SPON1: variants seen among roughly 807,000 people sequenced by gnomAD.
The protein encoded by SPON1 is spondin-1.
A neutral mutation model predicts 111.7 loss-of-function variants in SPON1; 52 were observed. The ratio of observed to expected loss-of-function variants is 0.47; its 90% CI spans 0.37 to 0.59. The LOEUF is 0.59. SPON1 is among the 20% of genes least tolerant of loss of function. The pLI is 0.00. For synonymous variants in SPON1, 410 were observed against 395.8 expected (o/e 1.04, Z -0.43); for missense variants, 957 against 1,068.5 (o/e 0.90, Z 1.46).
Position 14,056,671 on chromosome 11 carries a change from C to T in SPON1, c.479+15017C>T, listed in dbSNP as rs559269540. 1.2e-4 allele frequency among the ~76,000 whole-genome samples: 19 copies of T among 152,082 alleles called. No individual in the cohort carries two copies. In the East Asian group the frequency reaches 1.6e-3, roughly 12 times the overall value. On this transcript the variant is annotated intron_variant, in intron 3 of 15. Transcript: ENST00000576479. ...TTGGGAGGCTGAGGCAGGTGGATCACGAGGTCAGGAGATTGAGACCATCCT... is the reference window on the plus strand; with the variant it reads ...TTGGGAGGCTGAGGCAGGTGGATCATGAGGTCAGGAGATTGAGACCATCCT...
intron 2 of SPON1, among the ~76,000 whole-genome samples, chr11:14,005,383 T>C (rs939447826): frequency 1.3e-5 from 2 of 152,318 alleles, no homozygotes; most frequent in African/African-American, 2.4e-5. Flanking sequence ...CTCTAAATGA[T>C]GCACTCTCCA....
At chr11:13,983,508 A>G (rs1554909958) in intron 2 of SPON1, among the ~76,000 whole-genome samples, 1 of 152,226 alleles carries the variant, frequency 6.6e-6, no homozygotes, top group Non-Finnish European at 1.5e-5. Context: ...CTCAAGGGGA[A>G]GCTTCATTTG....
intron 2 of SPON1, among the ~76,000 whole-genome samples, chr11:14,028,517 A>G (rs1026053482): frequency 1.3e-5 from 2 of 152,112 alleles, no homozygotes; most frequent in African/African-American, 4.8e-5. Context: ...TAGGGTATTT[A>G]CTTATTAAAC....
Position 14,135,133 on chromosome 11 carries a change from G to A in SPON1, c.677-287G>A, listed in dbSNP as rs10832188. The A allele has an allele frequency of 0.41, 108,940 of 267,304 alleles. 22,701 individuals are homozygous for A. Among genetic ancestry groups the A allele is most frequent in the East Asian group, 0.53 (7,975 of 15,062 alleles). The allele number at this position is 267,304 out of a possible 1,614,324, so 16.6% of individuals were successfully genotyped here. On this transcript the variant is annotated intron_variant, in intron 5 of 15. Transcript: ENST00000576479. The surrounding 1 kb of genome is among the most constrained non-coding windows in gnomAD (Gnocchi z 4.4). ...CTTACAAATATGATCAGCCTTTAAC[G>A]TTCTCTCAACTATCCCCTTCTCTGA...
intron 5 of SPON1, among the ~76,000 whole-genome samples, chr11:14,122,438 GC>G (rs1236130734): frequency 6.6e-6 from 1 of 152,226 alleles, no homozygotes; most frequent in African/African-American, 2.4e-5. Flanking sequence ...CTCCCAAAGT[GC>G]TGGGATTACA....
chr11:14,131,061 G>A (rs1847522499), intron 5 of SPON1, among the ~76,000 whole-genome samples: 1 of 152,166 alleles, frequency 6.6e-6, no homozygotes, highest in South Asian at 2.1e-4. Context: ...TTTTGATCAT[G>A]TTTCCCCCTT....
rs137925354 is a variant in SPON1 at position 14,101,089 on chromosome 11, C to T, written c.676+21068C>T. Among the ~76,000 whole-genome samples the T allele has an allele frequency of 2.8e-4, 43 of 152,116 alleles. No homozygotes were observed. In the East Asian group the frequency reaches 6.0e-3, roughly 21 times the overall value. On this transcript the variant is annotated intron_variant, in intron 5 of 15. Transcript: ENST00000576479. ...TTTCACAGTTAATGTGACTTGATGTCGTTTTTTTCTTTTTAAAACCTGGTT... is the reference window on the plus strand; with the variant it reads ...TTTCACAGTTAATGTGACTTGATGTTGTTTTTTTCTTTTTAAAACCTGGTT...
intron 6 of SPON1, among the ~76,000 whole-genome samples, chr11:14,188,536 A>C (rs1188880228): frequency 1.3e-5 from 2 of 152,218 alleles, no homozygotes; most frequent in African/African-American, 2.4e-5. Flanking sequence ...TCTGAAAATA[A>C]ACTTTCTCAC....
intron 6 of SPON1, among the ~76,000 whole-genome samples, chr11:14,171,089 C>T (rs1554932406): frequency 6.6e-6 from 1 of 152,118 alleles, no homozygotes; most frequent in African/African-American, 2.4e-5. Flanking sequence ...CTCCTTGTAC[C>T]TCTGGTAGAA....
In SPON1 at chr11:14,109,840, G is replaced by A. The variant is rs1849214272; in HGVS notation, c.677-25580G>A. Reference sequence around the variant, plus strand: ...ACTGACACCTTCTGAGAATAAAGGAGGAAAACTTTTTTCTTCTCTGTGGGC... The same window carrying A: ...ACTGACACCTTCTGAGAATAAAGGAAGAAAACTTTTTTCTTCTCTGTGGGC... On this transcript the variant is annotated intron_variant, in intron 5 of 15. Transcript: ENST00000576479. 2.6e-5 allele frequency among the ~76,000 whole-genome samples: 4 copies of A among 152,214 alleles called. No individual in the cohort carries two copies. The South Asian group carries it at 6.2e-4, about 24-fold the overall frequency.
chr11:14,112,826 C>T (rs1163911826), intron 5 of SPON1, among the ~76,000 whole-genome samples: 2 of 152,190 alleles, frequency 1.3e-5, no homozygotes, highest in Non-Finnish European at 2.9e-5. Flanking sequence ...CCCTTCCTTG[C>T]TCCTTCTAAT....
At chr11:14,075,480 G>A (rs1253930534) in intron 4 of SPON1, 62 bp downstream of exon 4, 20 of 1,223,026 alleles carry the variant, frequency 1.6e-5, no homozygotes, top group Admixed American at 7.9e-5. Flanking sequence ...CCTCCTGCAC[G>A]ATCCTCCTGC....
At chr11:14,043,746 C>T (rs1564892280) in intron 3 of SPON1, among the ~76,000 whole-genome samples, 1 of 152,216 alleles carries the variant, frequency 6.6e-6, no homozygotes, top group Non-Finnish European at 1.5e-5. Context: ...AACCCAGAAG[C>T]ATTAGATCTT....
intron 3 of SPON1, 121 bp downstream of exon 3, chr11:14,041,775 T>C (rs1848633361): frequency 3.6e-6 from 4 of 1,106,782 alleles, no homozygotes; most frequent in Admixed American, 2.6e-5. Flanking sequence ...TGCCCTCCCT[T>C]ATCTGAATTC....
chr11:13,972,720 ACT>A (rs1554908740), intron 1 of SPON1, among the ~76,000 whole-genome samples: 1 of 152,176 alleles, frequency 6.6e-6, no homozygotes, highest in Non-Finnish European at 1.5e-5. Context: ...AGTTCTGAAT[ACT>A]GTTTCCTGAG....
intron 6 of SPON1, among the ~76,000 whole-genome samples, chr11:14,206,435 C>T (rs1172540463): frequency 2.6e-5 from 4 of 152,142 alleles, no homozygotes; most frequent in African/African-American, 9.7e-5. Flanking sequence ...TCGTGATCCG[C>T]CCACCTCAGC....
At chr11:14,048,073 C>T (rs1554918007) in intron 3 of SPON1, among the ~76,000 whole-genome samples, 2 of 152,160 alleles carry the variant, frequency 1.3e-5, no homozygotes, top group Non-Finnish European at 2.9e-5. Flanking sequence ...AACCCTGTCT[C>T]TACTACAAAT....
In SPON1 at chr11:14,254,711, C is replaced by G. The variant is rs1454058481; in HGVS notation, c.1074C>G (p.Asp358Glu). 2 of 1,613,738 alleles carry G rather than the reference C, an allele frequency of 1.2e-6. No homozygotes were observed. Among genetic ancestry groups the G allele is most frequent in the Non-Finnish European group, 1.7e-6 (2 of 1,179,876 alleles). The change falls in exon 8 of 16, where the codon GAC (aspartate) becomes GAG (glutamate). Residue 358 changes from aspartate (D) to glutamate (E), a missense_variant. Asp to Glu is a conservative substitution (Grantham distance 45). Coordinates refer to ENST00000576479, the MANE Select transcript of SPON1 (RefSeq NM_006108.4). ...TGATTCCCTGGGACGCTGGCACCGA[C>G]AGCGGGGTGACCTATGAGGTGTGTG... ...QDLIPWDAGT[D>E]SGVTYESPNK...
Position 14,081,893 on chromosome 11 carries a change from A to G in SPON1, c.676+1872A>G, listed in dbSNP as rs190342471. Among the ~76,000 whole-genome samples the G allele has an allele frequency of 1.2e-4, 18 of 152,154 alleles. No homozygotes were observed. The East Asian group carries it at 2.9e-3, about 25-fold the overall frequency. On this transcript the variant is annotated intron_variant, in intron 5 of 15. Transcript: ENST00000576479. Reference sequence around the variant, plus strand: ...TATTGTTTAATGTTACCCACATGCAATCAAGGCTTGGGATCTTAGAAGCCT... The same window carrying G: ...TATTGTTTAATGTTACCCACATGCAGTCAAGGCTTGGGATCTTAGAAGCCT...
Sources: gnomAD v4.1 joint callset for allele counts (sites outside exome capture counted in the v4.1 genomes callset) on GRCh38, gnomAD v4.1.1 for gene constraint, Gnocchi (gnomAD v3.1) non-coding constraint, MANE v1.5 for transcripts, NCBI Gene and HGNC (gene_info 2026-07-23, HGNC 2026-07-21) for gene names.